DENND1A: variants seen among roughly 807,000 people sequenced by gnomAD.
The protein encoded by DENND1A is DENN domain-containing protein 1A.
A neutral mutation model predicts 113.7 loss-of-function variants in DENND1A; 51 were observed. The observed-to-expected ratio is 0.45, with a 90% CI of 0.36 to 0.57. The LOEUF is 0.57. Ranked by LOEUF, DENND1A falls within the 20% of genes least tolerant of loss-of-function variation. The probability of loss-of-function intolerance (pLI) is 0.00; values close to 1 mark genes in which losing one functional copy is unlikely to be tolerated. For missense variants in DENND1A, 1,258 were observed against 1,395.9 expected (o/e 0.90, Z 1.57); for synonymous variants, 565 against 570.8 (o/e 0.99, Z 0.14).
intron 13 of DENND1A, among the ~76,000 whole-genome samples, chr9:123,521,269 G>T (rs1315776368): frequency 6.6e-6 from 1 of 152,120 alleles, no homozygotes; most frequent in African/African-American, 2.4e-5. Flanking sequence ...AGGATTCTTG[G>T]AGTATTATCA....
chr9:123,864,017 T>C lies in DENND1A; in HGVS notation c.88+14934A>G, dbSNP rs116945081. ...AAAAAAAAAACACACAGAAAATCAT[T>C]ATCGAGAGTTTCAAAGACTCTATAG... is the stretch of plus-strand genomic sequence containing the variant. On this transcript the variant is annotated intron_variant, in intron 2 of 23. Coordinates refer to ENST00000394215, the MANE Select transcript of DENND1A (RefSeq NM_001352964.2). Among the ~76,000 whole-genome samples, 68 of 151,584 alleles carry C rather than the reference T, an allele frequency of 4.5e-4. 1 individual carries two copies. In the East Asian group the frequency reaches 0.012, roughly 26 times the overall value.
At chr9:123,489,273 G>C (rs2051158015) in intron 13 of DENND1A, among the ~76,000 whole-genome samples, 1 of 152,216 alleles carries the variant, frequency 6.6e-6, no homozygotes, top group Non-Finnish European at 1.5e-5. Context: ...GAGAGTAAGG[G>C]AGAGAGAGTT....
chr9:123,752,721 C>T lies in DENND1A; in HGVS notation c.302+4982G>A, dbSNP rs182380599. On this transcript the variant is annotated intron_variant, in intron 5 of 23. Transcript: ENST00000394215. ...ATTGGGGCAAATCAAATATCAAGTG[C>T]CATAACAAATTTCAATTCTAGGTCA... Among the ~76,000 whole-genome samples, 3 of 152,220 alleles carry T rather than the reference C, an allele frequency of 2.0e-5. No individual in the cohort carries two copies. The South Asian group carries it at 6.2e-4, about 32-fold the overall frequency.
chr9:123,754,216 C>G (rs1420047864), intron 5 of DENND1A, among the ~76,000 whole-genome samples: 2 of 152,178 alleles, frequency 1.3e-5, no homozygotes, highest in Non-Finnish European at 2.9e-5. Context: ...GACAATACAA[C>G]AATGTAACCT....
intron 21 of DENND1A, among the ~76,000 whole-genome samples, chr9:123,397,103 G>T (rs2043175377): frequency 6.6e-6 from 1 of 152,170 alleles, no homozygotes; most frequent in Non-Finnish European, 1.5e-5. Context: ...CAATGAAATG[G>T]TGTATGTAAA....
In DENND1A at chr9:123,381,718, G is replaced by A. The variant is rs755016081; in HGVS notation, c.2927C>T (p.Ala976Val). The A allele has an allele frequency of 7.2e-6, 11 of 1,537,328 alleles. No homozygotes were observed. The African/African-American group carries it at 1.2e-4, about 17-fold the overall frequency. The change falls in exon 24 of 24, where the codon GCA becomes GTA. Residue 976 changes from alanine (A) to valine (V), a missense_variant. By Grantham distance (64) the Ala-to-Val change is moderately conservative. This residue lies in a region of DENND1A where 1,159 missense variants were observed against 1,231.7 expected (regional missense o/e 0.94). Transcript: ENST00000394215. This position sits in a 1 kb window ranked among gnomAD's most constrained non-coding sequence, Gnocchi z 4.7. The stretch of plus-strand genomic sequence containing the variant: ...CGTTCGGATCCTCGACGGGGCAACT[G>A]CTGGGGGACCCAGCGGCTGTAGGGG... ...TSPLQPLGPP[A>V]VAPSRIRTLP...
At chr9:123,410,523 G>A (rs930050050) in intron 20 of DENND1A, among the ~76,000 whole-genome samples, 20 of 152,266 alleles carry the variant, frequency 1.3e-4, no homozygotes, top group African/African-American at 4.6e-4. Flanking sequence ...ACGGTCACAG[G>A]GGAAGGCATC....
At chr9:123,903,104 A>G (rs368977208) in intron 1 of DENND1A, among the ~76,000 whole-genome samples, 5,759 of 151,842 alleles carry the variant, frequency 0.038, 114 homozygotes, top group Middle Eastern at 0.048. Flanking sequence ...AGGCCGAGGC[A>G]GGCGGATCAC....
chr9:123,713,579 C>T (rs1416892320), intron 5 of DENND1A, among the ~76,000 whole-genome samples: 1 of 152,082 alleles, frequency 6.6e-6, no homozygotes. Context: ...GACCACGGGA[C>T]TTTGGGCTTT....
rs978684807 is a variant in DENND1A, at chr9:123,715,139, G to A, written c.303-38350C>T. On this transcript the variant is annotated intron_variant, in intron 5 of 23. Transcript: ENST00000394215. ...GTGGAGGTTGCAGTGAGCCAAGATC[G>A]CGCCACTGCACTTCAGCCTGGGTGA... 2.6e-5 allele frequency among the ~76,000 whole-genome samples: 4 copies of A among 151,916 alleles called. No homozygotes were observed. In the South Asian group the frequency reaches 8.4e-4, roughly 32 times the overall value.
In DENND1A at chr9:123,382,228, C is replaced by T. The variant is rs540568147; in HGVS notation, c.2417G>A (p.Arg806Gln). The change falls in exon 24 of 24, where the codon CGA becomes CAA. Residue 806 changes from arginine (R) to glutamine (Q), a missense_variant. Coordinates refer to ENST00000394215, the MANE Select transcript of DENND1A (RefSeq NM_001352964.2). ...CAGGAGCCCTGGACTCAGGGCAGCT[C>T]GCCTGTCCCGATCCGTCTGCAGCCG... Reference protein sequence around the residue: ...SERLQTDRDRRAALSPGLLPG... With the variant: ...SERLQTDRDRQAALSPGLLPG... The T allele has an allele frequency of 1.4e-5, 22 of 1,609,186 alleles. No homozygotes were observed. The highest frequency in any genetic ancestry group is 4.0e-5 in the African/African-American group (3 of 74,970).
At chr9:123,615,434 T>C (rs772644507) in intron 10 of DENND1A, among the ~76,000 whole-genome samples, 6 of 152,134 alleles carry the variant, frequency 3.9e-5, no homozygotes, top group Admixed American at 2.0e-4. Flanking sequence ...TTAGGTGGTT[T>C]TCTCTAACCT....
intron 12 of DENND1A, among the ~76,000 whole-genome samples, chr9:123,559,997 C>T (rs959288396): frequency 8.4e-6 from 1 of 118,574 alleles, no homozygotes; most frequent in Non-Finnish European, 1.6e-5. Context: ...CAAGGTTCGT[C>T]CATGTTGTAG....
intron 5 of DENND1A, among the ~76,000 whole-genome samples, chr9:123,680,639 T>G (rs907402084): frequency 6.6e-5 from 10 of 152,192 alleles, no homozygotes; most frequent in Middle Eastern, 3.2e-3. Context: ...TTTTCTAATC[T>G]CACTCCACTT....
Position 123,626,355 on chromosome 9 carries a change from G to T in DENND1A, c.719+4021C>A, listed in dbSNP as rs182658305. Among the ~76,000 whole-genome samples the T allele has an allele frequency of 2.2e-4, 34 of 152,086 alleles. No individual in the cohort carries two copies. In the East Asian group the frequency reaches 4.1e-3, roughly 18 times the overall value. ...ATTCCTGTGAGCGTACTGTGTGTCTGGGGGGAGAGGGGATGGCAGCAGGTT... is the reference window on the plus strand; with the variant it reads ...ATTCCTGTGAGCGTACTGTGTGTCTTGGGGGAGAGGGGATGGCAGCAGGTT... On this transcript the variant is annotated intron_variant, in intron 10 of 23. Transcript: ENST00000394215.
At chr9:123,878,361 G>GTT (rs1847828764) in intron 2 of DENND1A, among the ~76,000 whole-genome samples, 2 of 150,550 alleles carry the variant, frequency 1.3e-5, no homozygotes, top group East Asian at 1.9e-4. Context: ...AAGATTTTAA[G>GTT]AAGAAATATA....
rs146228205 is a variant in DENND1A at position 123,678,040 on chromosome 9, T to G, written c.303-1251A>C. On this transcript the variant is annotated intron_variant, in intron 5 of 23. Coordinates refer to ENST00000394215, the MANE Select transcript of DENND1A (RefSeq NM_001352964.2). ...GCTGATTTCTACTCATCCTCCTAAC[T>G]GTCCCTCACCCCCTCCCCATCCCCA... 2.3e-3 allele frequency among the ~76,000 whole-genome samples: 344 copies of G among 152,188 alleles called. 1 individual carries two copies. The highest frequency in any genetic ancestry group is 7.9e-3 in the African/African-American group (327 of 41,530).
intron 21 of DENND1A, among the ~76,000 whole-genome samples, chr9:123,392,962 T>A (rs1194087373): frequency 6.6e-6 from 1 of 152,194 alleles, no homozygotes; most frequent in Non-Finnish European, 1.5e-5. Flanking sequence ...GAGTCTCCAA[T>A]CCCATCCAGG....
At chr9:123,762,070 T>A (rs186573320) in intron 4 of DENND1A, among the ~76,000 whole-genome samples, 1 of 152,314 alleles carries the variant, frequency 6.6e-6, no homozygotes, top group East Asian at 1.9e-4. Flanking sequence ...AGGACAAAAA[T>A]CCAAGCCAAC....
Sources: gnomAD v4.1 joint callset for allele counts (sites outside exome capture counted in the v4.1 genomes callset) on GRCh38, gnomAD v4.1.1 for gene constraint, gnomAD v4.1.1 regional missense constraint, Gnocchi (gnomAD v3.1) non-coding constraint, MANE v1.5 for transcripts, NCBI Gene and HGNC (gene_info 2026-07-23, HGNC 2026-07-21) for gene names.